Variants in SLC39A1 observed in about 807,000 individuals in gnomAD.
SLC39A1 encodes the protein solute carrier family 39 member 1, also known as zinc transporter ZIP1.
SLC39A1 carries 17 observed loss-of-function variants against 21.4 expected under a neutral mutation model. The observed-to-expected ratio is 0.79, with a 90% CI of 0.54 to 1.19. The LOEUF (loss-of-function observed/expected upper bound fraction) is 1.19. SLC39A1 is among the 50% of genes most tolerant of loss of function. The pLI, the probability that SLC39A1 is intolerant of heterozygous loss-of-function variation, is 0.00. For missense variants in SLC39A1, 343 were observed against 399.8 expected (o/e 0.86, Z 1.21); for synonymous variants, 183 against 185.9 (o/e 0.98, Z 0.13).
In SLC39A1 at chr1:153,959,983, T is replaced by A; in HGVS notation, c.*115A>T. The stretch of plus-strand genomic sequence containing the variant: ...CTCTATCTTTAGCTCCCAGAGAACT[T>A]TTTGGTCCTCAGTATTTCCCTTCCC... On this transcript the variant is annotated 3_prime_UTR_variant, in exon 4 of 4. Coordinates refer to ENST00000356205, the MANE Select transcript of SLC39A1 (RefSeq NM_001271958.2). The A allele has an allele frequency of 7.6e-7, 1 of 1,322,248 alleles. No individual in the cohort carries two copies. Among genetic ancestry groups the A allele is most frequent in the Non-Finnish European group, 1.0e-6 (1 of 966,020 alleles). 81.9% of individuals were successfully genotyped at this position (1,322,248 alleles called of 1,614,324 possible).
Position 153,959,847 on chromosome 1 carries a change from C to G in SLC39A1, c.*251G>C, listed in dbSNP as rs374697465. ...CTAGCAGTCAAGTGTCTTCCCCAAT[C>G]CTAATGTCCCCTGATATGTCTCTAG... On this transcript the variant is annotated 3_prime_UTR_variant, in exon 4 of 4. Transcript: ENST00000356205. The G allele has an allele frequency of 5.3e-5, 26 of 491,942 alleles. No individual in the cohort carries two copies. In the South Asian group the frequency reaches 6.8e-4, roughly 13 times the overall value. The allele number at this position is 491,942 out of a possible 1,614,324, so 30.5% of individuals were successfully genotyped here.
rs556335883 is a variant in SLC39A1 at position 153,959,733 on chromosome 1, C to T, written c.*365G>A. On this transcript the variant is annotated 3_prime_UTR_variant, in exon 4 of 4. Transcript: ENST00000356205. ...CAGGACACTGACTCTAGGTTTATGA[C>T]CTGTCCATACCCGTTCCACAGCAGC... is the stretch of plus-strand genomic sequence containing the variant. 15 of 262,906 alleles carry T rather than the reference C, an allele frequency of 5.7e-5. No homozygotes were observed. Among genetic ancestry groups the T allele is most frequent in the Admixed American group, 1.9e-4 (4 of 20,920 alleles). 16.3% of individuals were successfully genotyped at this position (262,906 alleles called of 1,614,324 possible).
intron 1 of SLC39A1, chr1:153,963,022 G>A (rs1254545114): frequency 1.1e-5 from 3 of 281,992 alleles, no homozygotes; most frequent in African/African-American, 6.5e-5. Context: ...GGTGCCCCCA[G>A]AAAACTAGGA....
chr1:153,962,558 C>G lies in SLC39A1; in HGVS notation c.158G>C (p.Arg53Pro), dbSNP rs767605162. Residue 53 changes from arginine (R) to proline (P), a missense_variant, in exon 2 of 4, where the codon CGC (arginine) becomes CCC (proline). Coordinates refer to ENST00000356205, the MANE Select transcript of SLC39A1 (RefSeq NM_001271958.2). Reference protein sequence around the residue: ...LCSLVPICVLRRPGANHEGSA... With the variant: ...LCSLVPICVLPRPGANHEGSA... ...GCCTTCATGGTTAGCTCCTGGCCGG[C>G]GCAGCACACAGATGGGCACCAGGCT... is the stretch of plus-strand genomic sequence containing the variant. The G allele has an allele frequency of 2.0e-5, 33 of 1,613,196 alleles. No homozygotes were observed. In the East Asian group the frequency reaches 6.7e-4, roughly 33 times the overall value.
Position 153,960,194 on chromosome 1 carries a change from G to C in SLC39A1, c.879C>G (p.Pro293=), listed in dbSNP as rs1323119120. Reference sequence around the variant, plus strand: ...TTTGCTCAGAACTGGCCAGCTCCTGGGGCAGGATTTCCAGAAAGGTGATAT... The same window carrying C: ...TTTGCTCAGAACTGGCCAGCTCCTGCGGCAGGATTTCCAGAAAGGTGATAT... ...FLYITFLEIL[P]QELASSEQRI... Residue 293 remains proline (P), a synonymous_variant, in exon 4 of 4, where the codon CCC becomes CCG. Transcript: ENST00000356205. 3 of 1,614,090 alleles carry C rather than the reference G, an allele frequency of 1.9e-6. No homozygotes were observed. Among genetic ancestry groups the C allele is most frequent in the Non-Finnish European group, 2.5e-6 (3 of 1,180,056 alleles).
upstream of SLC39A1, chr1:153,964,318 T>C (rs561596604): frequency 1.3e-5 from 2 of 152,302 alleles, no homozygotes. Context: ...CTGTTTGCTG[T>C]TCCTTGAATG....
chr1:153,962,386 A>G, intron 2 of SLC39A1, 36 bp from the exon 3 acceptor site: 1 of 1,607,276 alleles, frequency 6.2e-7, no homozygotes, highest in Non-Finnish European at 8.5e-7. Context: ...GAATAAGCAA[A>G]CAAACCCCCT....
intron 3 of SLC39A1, 22 bp downstream of exon 3, chr1:153,962,198 A>G (rs1404976631): frequency 1.2e-6 from 2 of 1,609,674 alleles, no homozygotes; most frequent in African/African-American, 1.3e-5. Context: ...CCCGCAAGTC[A>G]CATGCCCAGG....
Position 153,959,469 on chromosome 1 carries a change from G to A in SLC39A1, c.*629C>T. The A allele has an allele frequency of 2.5e-6, 1 of 395,250 alleles. No homozygotes were observed. Among genetic ancestry groups the A allele is most frequent in the Non-Finnish European group, 4.5e-6 (1 of 224,284 alleles). The allele number at this position is 395,250 out of a possible 1,614,324, so 24.5% of individuals were successfully genotyped here. A position where few individuals can be genotyped will look rare whatever the true frequency, so the allele number is the denominator to read the frequency against. The stretch of plus-strand genomic sequence containing the variant: ...CCCCCTTCACTGAGGTGCTGGGTAG[G>A]GCTCAGTGCCACATTACTGTGCTTT... On this transcript the variant is annotated 3_prime_UTR_variant, in exon 4 of 4. Coordinates refer to ENST00000356205, the MANE Select transcript of SLC39A1 (RefSeq NM_001271958.2).
chr1:153,967,657 A>G (rs1382496891), upstream of SLC39A1: 1 of 112,124 alleles, frequency 8.9e-6, no homozygotes, highest in Non-Finnish European at 1.8e-5. Context: ...GTCTCCAAAA[A>G]TAAGAATAAA....
upstream of SLC39A1, among the ~76,000 whole-genome samples, chr1:153,966,196 T>G (rs1647771575): frequency 6.6e-6 from 1 of 152,194 alleles, no homozygotes; most frequent in Admixed American, 6.5e-5. Context: ...CTTTGTCTCT[T>G]CACTACTTGA....
chr1:153,966,751 T>C (rs1399245275), upstream of SLC39A1: 1 of 152,214 alleles, frequency 6.6e-6, no homozygotes, highest in Non-Finnish European at 1.5e-5. Context: ...GGATAATTAG[T>C]AGCAGTTTGA....
chr1:153,959,742 A>T lies in SLC39A1; in HGVS notation c.*356T>A. 3.3e-6 allele frequency: 1 copy of T among 305,622 alleles called. No individual in the cohort carries two copies. Among genetic ancestry groups the T allele is most frequent in the East Asian group, 6.4e-5 (1 of 15,688 alleles). 18.9% of individuals were successfully genotyped at this position (305,622 alleles called of 1,614,324 possible). A position where few individuals can be genotyped will look rare whatever the true frequency, so the allele number is the denominator to read the frequency against. On this transcript the variant is annotated 3_prime_UTR_variant, in exon 4 of 4. Coordinates refer to ENST00000356205, the MANE Select transcript of SLC39A1 (RefSeq NM_001271958.2). ...GACTCTAGGTTTATGACCTGTCCATACCCGTTCCACAGCAGCTGGGTACCC... is the reference window on the plus strand; with the variant it reads ...GACTCTAGGTTTATGACCTGTCCATTCCCGTTCCACAGCAGCTGGGTACCC...
At chr1:153,965,483 C>G (rs1170323184), upstream of SLC39A1, among the ~76,000 whole-genome samples, 5 of 152,186 alleles carry the variant, frequency 3.3e-5, no homozygotes, top group Admixed American at 3.3e-4. Context: ...GTAAATCAAG[C>G]TAATTAACAT....
upstream of SLC39A1, chr1:153,963,567 G>A (rs1647622787): frequency 6.5e-6 from 1 of 152,760 alleles, no homozygotes; most frequent in South Asian, 2.1e-4. Context: ...CCCTCCCATA[G>A]CTCCCCCCTC....
rs1571089888 is a variant in SLC39A1, at chr1:153,959,129, T to C, written c.*969A>G. On this transcript the variant is annotated 3_prime_UTR_variant, in exon 4 of 4. Coordinates refer to ENST00000356205, the MANE Select transcript of SLC39A1 (RefSeq NM_001271958.2). ...TACAGATGTCTAGAAACATCTTTTA[T>C]TTGGGTAACAGGTCCCAAAACAGGT... 6 of 398,788 alleles carry C rather than the reference T, an allele frequency of 1.5e-5. No individual in the cohort carries two copies. The East Asian group carries it at 2.1e-4, about 14-fold the overall frequency. 24.7% of individuals were successfully genotyped at this position (398,788 alleles called of 1,614,324 possible).
In SLC39A1 at chr1:153,962,329, C is replaced by T; in HGVS notation, c.209G>A (p.Ser70Asn). The part of the protein sequence containing the change: ...EGSASRQKAL[S>N]LVSCFAGGVF... ...GCCCCCCGCGAAACAGCTTACTAGG[C>T]TCAGGGCTTTCTGGCGGGAAGCTGG... Residue 70 changes from serine to asparagine, a missense_variant, in exon 3 of 4, where the codon AGC (serine) becomes AAC (asparagine). Physicochemically the swap from Ser to Asn is conservative, Grantham distance 46. Coordinates refer to ENST00000356205, the MANE Select transcript of SLC39A1 (RefSeq NM_001271958.2). 1 of 1,614,126 alleles carries T rather than the reference C, an allele frequency of 6.2e-7. No homozygotes were observed. The highest frequency in any genetic ancestry group is 1.1e-5 in the South Asian group (1 of 91,076).
upstream of SLC39A1, among the ~76,000 whole-genome samples, chr1:153,963,931 G>A (rs1281942977): frequency 6.6e-6 from 1 of 152,258 alleles, no homozygotes; most frequent in Non-Finnish European, 1.5e-5. Flanking sequence ...TCCCTCAGAA[G>A]GCTCTGACAC....
chr1:153,962,121 AC>A lies in SLC39A1; in HGVS notation c.318+98del, dbSNP rs1647480089. The A allele has an allele frequency of 6.1e-6, 9 of 1,483,734 alleles. No homozygotes were observed. In the South Asian group the frequency reaches 1.2e-4, roughly 20 times the overall value. 91.9% of individuals were successfully genotyped at this position (1,483,734 alleles called of 1,614,324 possible). On this transcript the variant is annotated intron_variant, in intron 3 of 3. Coordinates refer to ENST00000356205, the MANE Select transcript of SLC39A1 (RefSeq NM_001271958.2). ...ATACCACATGCCAAAAGTCTTCCACACAGTCATGGAGTGGCACATGAATCAA... is the reference window on the plus strand; with the variant it reads ...ATACCACATGCCAAAAGTCTTCCACAAGTCATGGAGTGGCACATGAATCAA...
Sources: allele counts gnomAD v4.1 joint callset (sites outside exome capture counted in the v4.1 genomes callset), GRCh38; gene constraint gnomAD v4.1.1; transcripts MANE v1.5; gene names NCBI Gene and HGNC (gene_info 2026-07-23, HGNC 2026-07-21).